Variants in PTPRK observed in about 807,000 individuals in gnomAD.
The protein encoded by PTPRK is receptor-type tyrosine-protein phosphatase kappa.
Under a neutral mutation model 178.0 loss-of-function variants are expected in PTPRK, and 75 were observed. The ratio of observed to expected loss-of-function variants is 0.42; its 90% CI spans 0.35 to 0.51. The LOEUF (loss-of-function observed/expected upper bound fraction) is 0.51. Among genes scored for constraint, PTPRK ranks in the 20% least tolerant of loss-of-function variants. The probability of loss-of-function intolerance (pLI) is 0.02; values close to 1 mark genes in which losing one functional copy is unlikely to be tolerated. For synonymous variants in PTPRK, 637 were observed against 620.6 expected, an observed-to-expected ratio of 1.03 and a Z score of -0.39; for missense variants, 1,441 against 1,797.8, an observed-to-expected ratio of 0.80 and a Z score of 3.59.
At chr6:128,410,842 C>A (rs758150137) in intron 1 of PTPRK, among the ~76,000 whole-genome samples, 4 of 152,178 alleles carry the variant, frequency 2.6e-5, no homozygotes, top group Non-Finnish European at 5.9e-5. Context: ...ACTAACTTGG[C>A]TGAGGCTGGG....
chr6:128,228,494 A>C (rs1176999434), intron 5 of PTPRK, among the ~76,000 whole-genome samples: 1 of 150,750 alleles, frequency 6.6e-6, no homozygotes, highest in Non-Finnish European at 1.5e-5. Flanking sequence ...AAAATACAAA[A>C]AAAAAAAAAA....
At chr6:128,071,117 T>G in intron 11 of PTPRK, among the ~76,000 whole-genome samples, 1 of 122,632 alleles carries the variant, frequency 8.2e-6, no homozygotes, top group African/African-American at 2.5e-5. Flanking sequence ...GATAGAGAGG[T>G]TAAAAAAAAA....
In PTPRK at chr6:128,102,037, A is replaced by G. The variant is rs913008398; in HGVS notation, c.1163-12045T>C. ...ATTCATTTGGGTGTTTGGGCCTCCT[A>G]TATTAACACGTATGCCCTCTCTAGA... On this transcript the variant is annotated intron_variant, in intron 7 of 29. Coordinates refer to ENST00000368226, the MANE Select transcript of PTPRK (RefSeq NM_002844.4). Among the ~76,000 whole-genome samples, 3 of 152,290 alleles carry G rather than the reference A, an allele frequency of 2.0e-5. No homozygotes were observed. The East Asian group carries it at 5.8e-4, about 29-fold the overall frequency.
intron 29 of PTPRK, 26 bp from the exon 30 acceptor site, chr6:127,970,306 T>C (rs1773759608): frequency 6.3e-7 from 1 of 1,592,070 alleles, no homozygotes; most frequent in Admixed American, 1.7e-5. Flanking sequence ...ACACAAAGAG[T>C]GAGAAAACTT....
intron 8 of PTPRK, chr6:128,084,821 A>G (rs6912192): frequency 6.2e-4 from 94 of 152,336 alleles, no homozygotes; most frequent in African/African-American, 2.2e-3. Flanking sequence ...TGGCTAAAAA[A>G]TGTGTTTCTT....
At chr6:128,213,250 C>T (rs1415848570) in intron 6 of PTPRK, among the ~76,000 whole-genome samples, 1 of 151,964 alleles carries the variant, frequency 6.6e-6, no homozygotes, top group East Asian at 1.9e-4. Context: ...AACACTGAAT[C>T]ACCTGAATTA....
chr6:128,233,918 C>A (rs1188491588), intron 5 of PTPRK, among the ~76,000 whole-genome samples: 2 of 152,166 alleles, frequency 1.3e-5, no homozygotes, highest in Non-Finnish European at 2.9e-5. Flanking sequence ...GCCTGCCAAG[C>A]GCTGTAATGA....
chr6:128,140,910 T>C (rs1351228782), intron 7 of PTPRK, among the ~76,000 whole-genome samples: 2 of 151,984 alleles, frequency 1.3e-5, no homozygotes, highest in Non-Finnish European at 2.9e-5. Flanking sequence ...TATTTTGCTT[T>C]TACACAAAAG....
At chr6:128,294,960 CAT>C (rs1188597917) in intron 3 of PTPRK, among the ~76,000 whole-genome samples, 1 of 151,672 alleles carries the variant, frequency 6.6e-6, no homozygotes, top group Non-Finnish European at 1.5e-5. Flanking sequence ...TTAAGAAAGA[CAT>C]ATGGTTAGAA....
intron 3 of PTPRK, among the ~76,000 whole-genome samples, chr6:128,246,678 A>C (rs1275798763): frequency 6.6e-6 from 1 of 152,238 alleles, no homozygotes; most frequent in African/African-American, 2.4e-5. Context: ...CTCAGGTCAG[A>C]TCTAATGCTT....
intron 7 of PTPRK, among the ~76,000 whole-genome samples, chr6:128,119,452 C>T (rs1177062555): frequency 1.3e-5 from 2 of 151,996 alleles, no homozygotes; most frequent in Non-Finnish European, 2.9e-5. Flanking sequence ...ACATATTTCA[C>T]AAACTTCTTT....
chr6:128,516,903 C>G (rs1217197635), intron 1 of PTPRK, among the ~76,000 whole-genome samples: 1 of 151,690 alleles, frequency 6.6e-6, no homozygotes, highest in African/African-American at 2.4e-5. Context: ...TTAATAGTGA[C>G]TCTTCCATGG....
intron 22 of PTPRK, among the ~76,000 whole-genome samples, chr6:127,984,107 A>T (rs1461089964): frequency 1.3e-5 from 2 of 152,228 alleles, no homozygotes; most frequent in Non-Finnish European, 2.9e-5. Context: ...ATTATATTTT[A>T]GTCTTTAATT....
chr6:128,310,208 A>G (rs1248832698), intron 3 of PTPRK, among the ~76,000 whole-genome samples: 1 of 152,186 alleles, frequency 6.6e-6, no homozygotes, highest in Non-Finnish European at 1.5e-5. Context: ...GCTGATAGAT[A>G]TACATGGTCT....
rs143127452 is a variant in PTPRK, at chr6:128,351,782, G to A, written c.224-29472C>T. On this transcript the variant is annotated intron_variant, in intron 2 of 29. Transcript: ENST00000368226. ...GTCTCCTTGCAGTCCACTCCAGCCTGCCAGGAACACTGTAGTAGGGGCTTA... is the reference window on the plus strand; with the variant it reads ...GTCTCCTTGCAGTCCACTCCAGCCTACCAGGAACACTGTAGTAGGGGCTTA... Among the ~76,000 whole-genome samples the A allele has an allele frequency of 3.3e-3, 505 of 152,268 alleles. 3 individuals are homozygous for A. The highest frequency in any genetic ancestry group is 0.012 in the African/African-American group (485 of 41,552).
At chr6:128,447,835 G>C (rs1277280348) in intron 1 of PTPRK, among the ~76,000 whole-genome samples, 5 of 151,928 alleles carry the variant, frequency 3.3e-5, no homozygotes, top group African/African-American at 1.2e-4. Flanking sequence ...TATTGGTCAG[G>C]CTTGTCTCGA....
At chr6:128,487,359 G>A (rs1853093337) in intron 1 of PTPRK, among the ~76,000 whole-genome samples, 1 of 150,964 alleles carries the variant, frequency 6.6e-6, no homozygotes, top group African/African-American at 2.4e-5. Context: ...GGGAAACTGG[G>A]AAGGCCTCAA....
At chr6:128,455,224 T>C (rs1366364576) in intron 1 of PTPRK, among the ~76,000 whole-genome samples, 1 of 152,166 alleles carries the variant, frequency 6.6e-6, no homozygotes, top group African/African-American at 2.4e-5. Flanking sequence ...AGCAAGTTTT[T>C]ACTGCAATGC....
intron 1 of PTPRK, chr6:128,472,735 C>T: frequency 3.2e-6 from 1 of 314,752 alleles, no homozygotes; most frequent in South Asian, 2.8e-5. Flanking sequence ...TATATAATCA[C>T]AATATTGATG....
Sources: allele counts gnomAD v4.1 joint callset (sites outside exome capture counted in the v4.1 genomes callset), GRCh38; gene constraint gnomAD v4.1.1; transcripts MANE v1.5; gene names NCBI Gene and HGNC (gene_info 2026-07-23, HGNC 2026-07-21).